The following PRKAR1A variants were observed in gnomAD, a reference collection of about 807,000 sequenced individuals.
PRKAR1A encodes the protein protein kinase cAMP-dependent type I regulatory subunit alpha.
In PRKAR1A, 3 loss-of-function variants were observed where a neutral mutation model predicts 52.0. The ratio of observed to expected loss-of-function variants is 0.06; its 90% confidence interval spans 0.03 to 0.15. PRKAR1A has a LOEUF of 0.15. PRKAR1A is among the 10% of genes least tolerant of loss of function. The pLI is 1.00. For missense variants in PRKAR1A, 240 were observed against 477.4 expected, an observed-to-expected ratio of 0.50 and a Z score of 4.63; for synonymous variants, 188 against 168.4, an observed-to-expected ratio of 1.12 and a Z score of -0.90.
At chr17:68,457,448 C>A in the PRKAR1A span, 1 of 1,475,954 alleles carries the variant, frequency 6.8e-7, no homozygotes, top group Admixed American at 2.5e-5. Flanking sequence ...GAAGCCGCAG[C>A]TCGGAGCCGG....
downstream of PRKAR1A, chr17:68,535,338 G>T: frequency 2.2e-6 from 1 of 454,134 alleles, no homozygotes; most frequent in Middle Eastern, 6.9e-4. Flanking sequence ...CTTTCTGTTT[G>T]TAGAGTGCAG....
At chr17:68,441,755 G>T in the PRKAR1A span, among the ~76,000 whole-genome samples, 233 of 152,300 alleles carry the variant, frequency 1.5e-3, no homozygotes, top group Middle Eastern at 6.8e-3. Context: ...AACTCTGGGG[G>T]CTAAAAATGA....
At chr17:68,467,471 C>T in the PRKAR1A span, among the ~76,000 whole-genome samples, 1 of 152,138 alleles carries the variant, frequency 6.6e-6, no homozygotes, top group Admixed American at 6.5e-5. Context: ...TATAGCCATC[C>T]TTGTGGGTGT....
At position 68,531,029 on chromosome 17, in the gene PRKAR1A, T is replaced by G; in HGVS notation, c.*580T>G. 1 of 1,069,096 alleles carries G rather than the reference T, an allele frequency of 9.4e-7. No homozygotes were observed. The highest frequency in any genetic ancestry group is 1.1e-6 in the Non-Finnish European group (1 of 881,472). 66.2% of individuals were successfully genotyped at this position (1,069,096 alleles called of 1,614,324 possible). On this transcript the variant is annotated 3_prime_UTR_variant, in exon 11 of 11. Transcript: ENST00000589228. ...CAATGGGATATGATTGGTTCAGTTT[T>G]TTTTTTTCCAGAGTTGTTGTTTGCC...
intron 11 of PRKAR1A, chr17:68,542,843 A>G (rs1204836090): frequency 6.6e-7 from 1 of 1,520,732 alleles, no homozygotes; most frequent in Admixed American, 1.7e-5. Flanking sequence ...CATCTGAGGG[A>G]TGATCAGGGA....
chr17:68,522,728 C>T, intron 2 of PRKAR1A, 28 bp from the exon 3 acceptor site: 1 of 1,613,540 alleles, frequency 6.2e-7, no homozygotes, highest in Non-Finnish European at 8.5e-7. Flanking sequence ...CGAAGGATCT[C>T]ATTTTGCAAA....
chr17:68,533,225 G>T lies in PRKAR1A; in HGVS notation c.*2776G>T. 1.9e-6 allele frequency: 2 copies of T among 1,059,236 alleles called. No individual in the cohort carries two copies. The highest frequency in any genetic ancestry group is 2.3e-6 in the Non-Finnish European group (2 of 874,106). 65.6% of individuals were successfully genotyped at this position (1,059,236 alleles called of 1,614,324 possible). On this transcript the variant is annotated 3_prime_UTR_variant, in exon 11 of 11. Transcript: ENST00000589228. ...TTATTTCTGATGCTCTTAGATTTCT[G>T]AGGAGTGAGATGATTAAGTTGTATT... is the stretch of plus-strand genomic sequence containing the variant.
At chr17:68,515,305 C>T (rs1172508478) in intron 1 of PRKAR1A, 89 bp from the exon 2 acceptor site, 1 of 1,448,498 alleles carries the variant, frequency 6.9e-7, no homozygotes, top group African/African-American at 1.4e-5. Flanking sequence ...CCCTGTGAAT[C>T]AGTTGTCTAA....
the PRKAR1A span, among the ~76,000 whole-genome samples, chr17:68,481,308 A>G: frequency 1.3e-5 from 2 of 152,220 alleles, no homozygotes; most frequent in Admixed American, 6.5e-5. Context: ...CATTACATTT[A>G]TTGGGCACTT....
the PRKAR1A span, among the ~76,000 whole-genome samples, chr17:68,416,477 G>A: frequency 2.4e-4 from 36 of 152,098 alleles, no homozygotes; most frequent in Non-Finnish European, 4.9e-4. Context: ...AATTTCCCAG[G>A]TGTTCTTTGA....
the PRKAR1A span, among the ~76,000 whole-genome samples, chr17:68,446,295 C>T: frequency 3.9e-5 from 6 of 152,022 alleles, no homozygotes; most frequent in African/African-American, 1.4e-4. Context: ...ATTTTCCCAC[C>T]CCAGCCTCTC....
At chr17:68,465,310 A>G in the PRKAR1A span, among the ~76,000 whole-genome samples, 1 of 152,134 alleles carries the variant, frequency 6.6e-6, no homozygotes, top group Non-Finnish European at 1.5e-5. Context: ...GAACATTTGT[A>G]CTATGGGATC....
downstream of PRKAR1A, chr17:68,537,049 A>AGGCC: frequency 2.2e-6 from 1 of 456,664 alleles, no homozygotes; most frequent in Admixed American, 2.3e-5. This position sits in a 1 kb window ranked among gnomAD's most constrained non-coding sequence, Gnocchi z 4.2. Flanking sequence ...AGCTTGTGAT[A>AGGCC]GGCCAGGTGT....
the PRKAR1A span, among the ~76,000 whole-genome samples, chr17:68,433,785 T>TTG: frequency 1.1e-5 from 1 of 88,268 alleles, no homozygotes; most frequent in African/African-American, 3.9e-5. Flanking sequence ...TTTTTTTTTT[T>TTG]TTTTTTTTTT....
chr17:68,498,862 C>T, the PRKAR1A span, among the ~76,000 whole-genome samples: 1 of 152,174 alleles, frequency 6.6e-6, no homozygotes, highest in East Asian at 1.9e-4. Flanking sequence ...AATCAGATCC[C>T]TCTCCTCTTT....
chr17:68,542,218 A>T, intron 11 of PRKAR1A: 1 of 1,595,046 alleles, frequency 6.3e-7, no homozygotes, highest in Non-Finnish European at 8.6e-7. Flanking sequence ...TGGAGGCATG[A>T]CATCTTCCTG....
At chr17:68,540,762 G>C (rs553992971) in intron 11 of PRKAR1A, 2 of 1,499,634 alleles carry the variant, frequency 1.3e-6, no homozygotes, top group South Asian at 1.2e-5. Context: ...TCATGAACCA[G>C]GTTGTAAGTT....
the PRKAR1A span, chr17:68,426,254 G>GGCCC: frequency 1.2e-6 from 1 of 816,920 alleles, no homozygotes; most frequent in East Asian, 3.5e-5. Flanking sequence ...GGGAGCGGGG[G>GGCCC]CTCAAATAAA....
the PRKAR1A span, among the ~76,000 whole-genome samples, chr17:68,463,548 G>A: frequency 1.3e-5 from 2 of 152,212 alleles, no homozygotes; most frequent in African/African-American, 2.4e-5. Flanking sequence ...AAAATGAGAT[G>A]TATAGTATCT....
Sources: gnomAD v4.1 joint callset for allele counts (sites outside exome capture counted in the v4.1 genomes callset) on GRCh38, gnomAD v4.1.1 for gene constraint, Gnocchi (gnomAD v3.1) non-coding constraint, MANE v1.5 for transcripts, NCBI Gene and HGNC (gene_info 2026-07-23, HGNC 2026-07-21) for gene names.